The following SPATS2L variants were observed in gnomAD, a reference collection of about 807,000 sequenced individuals.
The protein encoded by SPATS2L is spermatogenesis associated serine rich 2 like, also known as SPATS2-like protein.
SPATS2L carries 30 observed loss-of-function variants against 59.6 expected under a neutral mutation model. The ratio of observed to expected loss-of-function variants is 0.50; its 90% CI spans 0.38 to 0.68. The LOEUF (loss-of-function observed/expected upper bound fraction) is 0.68, where lower values mean the gene tolerates loss of function less well. Ranked by LOEUF, SPATS2L falls within the 30% of genes least tolerant of loss-of-function variation. The pLI is 0.00. For synonymous variants in SPATS2L, 252 were observed against 263.5 expected (o/e 0.96, Z 0.42); for missense variants, 615 against 700.0 (o/e 0.88, Z 1.37).
chr2:200,458,492 C>A (rs992835210), intron 8 of SPATS2L, among the ~76,000 whole-genome samples: 1 of 151,966 alleles, frequency 6.6e-6, no homozygotes, highest in Admixed American at 6.6e-5. Flanking sequence ...ATTTCTACAT[C>A]TAATAACAAA....
Position 200,414,181 on chromosome 2 carries a change from G to A in SPATS2L, c.148+1762G>A, listed in dbSNP as rs1411278897. Among the ~76,000 whole-genome samples, 3 of 152,020 alleles carry A rather than the reference G, an allele frequency of 2.0e-5. No individual in the cohort carries two copies. In the East Asian group the frequency reaches 5.8e-4, roughly 29 times the overall value. ...TTGATCAGATGCACAGTAACTGATG[G>A]ACTGTCATCAAATCTGTTTGTACTT... is the stretch of plus-strand genomic sequence containing the variant. On this transcript the variant is annotated intron_variant, in intron 4 of 12. Transcript: ENST00000409140.
intron 5 of SPATS2L, among the ~76,000 whole-genome samples, chr2:200,419,000 G>GT (rs1029095141): frequency 2.0e-5 from 3 of 151,986 alleles, no homozygotes; most frequent in African/African-American, 7.2e-5. Context: ...ATTCCTTGTT[G>GT]TTTTTTTCTT....
chr2:200,422,554 G>A (rs1207633518), intron 6 of SPATS2L, among the ~76,000 whole-genome samples: 1 of 151,372 alleles, frequency 6.6e-6, no homozygotes, highest in South Asian at 2.1e-4. Flanking sequence ...AAAAAAAAAG[G>A]GGGAGGAAGA....
chr2:200,433,693 A>G (rs2084090285), intron 6 of SPATS2L, among the ~76,000 whole-genome samples: 1 of 152,144 alleles, frequency 6.6e-6, no homozygotes, highest in Non-Finnish European at 1.5e-5. Context: ...TGTTATAAAC[A>G]ACTTTATGCC....
At chr2:200,322,413 T>G (rs2079592973) in intron 1 of SPATS2L, among the ~76,000 whole-genome samples, 3 of 152,204 alleles carry the variant, frequency 2.0e-5, no homozygotes, top group Admixed American at 2.0e-4. Context: ...TACTTGTATA[T>G]CAGGGGTTGA....
rs193205434 is a variant in SPATS2L, at chr2:200,353,021, T to C, written c.-23+23541T>C. Among the ~76,000 whole-genome samples, 14 of 152,330 alleles carry C rather than the reference T, an allele frequency of 9.2e-5. No individual in the cohort carries two copies. In the East Asian group the frequency reaches 2.7e-3, roughly 29 times the overall value. ...CATGTTGTACATGGCATGTACTTTC[T>C]TTAAAAGGTTTGGGAACATTCTTGC... On this transcript the variant is annotated intron_variant, in intron 2 of 12. Transcript: ENST00000409140.
chr2:200,308,622 A>G (rs2079101443), intron 1 of SPATS2L, among the ~76,000 whole-genome samples: 2 of 151,810 alleles, frequency 1.3e-5, no homozygotes, highest in African/African-American at 4.9e-5. Context: ...TGTGGCTTTA[A>G]ATACACACAC....
At chr2:200,362,520 C>T (rs796839327) in intron 2 of SPATS2L, among the ~76,000 whole-genome samples, 4 of 152,328 alleles carry the variant, frequency 2.6e-5, no homozygotes, top group African/African-American at 9.6e-5. Context: ...GGGAAGCACA[C>T]CCTTTCCTTT....
intron 2 of SPATS2L, among the ~76,000 whole-genome samples, chr2:200,349,914 T>G (rs1004133160): frequency 6.6e-6 from 1 of 152,112 alleles, no homozygotes; most frequent in African/African-American, 2.4e-5. Context: ...GGAATGAAAT[T>G]CACATCTCCT....
chr2:200,311,165 A>G (rs933837770), intron 1 of SPATS2L, among the ~76,000 whole-genome samples: 1 of 152,234 alleles, frequency 6.6e-6, no homozygotes, highest in Non-Finnish European at 1.5e-5. Context: ...CTCAGAGCCT[A>G]ACTCATAGCC....
chr2:200,474,595 GCCTGGCCTCTCTGTTCATTATT>G (rs2087359234), intron 12 of SPATS2L, among the ~76,000 whole-genome samples: 1 of 152,140 alleles, frequency 6.6e-6, no homozygotes, highest in African/African-American at 2.4e-5. Context: ...GAGCCACCAT[GCCTGGCCTCTCTGTTCATTATT>G]AAATACCATG....
At position 200,354,596 on chromosome 2, in the gene SPATS2L, A is replaced by C. The variant is rs575515499; in HGVS notation, c.-23+25116A>C. Among the ~76,000 whole-genome samples, 22 of 147,282 alleles carry C rather than the reference A, an allele frequency of 1.5e-4. 1 individual carries two copies. Among genetic ancestry groups the C allele is most frequent in the Middle Eastern group, 3.4e-3 (1 of 292 alleles). ...GCACTTCAGCCTGGGCGACAGAGCA[A>C]GACTCCGTCTCAAAAAAAAAGAGAA... On this transcript the variant is annotated intron_variant, in intron 2 of 12. Coordinates refer to ENST00000409140, the MANE Select transcript of SPATS2L (RefSeq NM_001100423.2).
intron 6 of SPATS2L, among the ~76,000 whole-genome samples, chr2:200,422,985 G>C (rs2083378194): frequency 1.3e-5 from 2 of 152,140 alleles, no homozygotes; most frequent in Admixed American, 1.3e-4. Flanking sequence ...CACTCACTCT[G>C]ATCACCAAGA....
At chr2:200,398,807 C>T (rs561050311) in intron 3 of SPATS2L, among the ~76,000 whole-genome samples, 1 of 152,280 alleles carries the variant, frequency 6.6e-6, no homozygotes, top group South Asian at 2.1e-4. Flanking sequence ...GGGCACCAAC[C>T]TGAGTCCTGA....
intron 3 of SPATS2L, among the ~76,000 whole-genome samples, chr2:200,403,660 C>T (rs904678408): frequency 9.9e-5 from 15 of 152,166 alleles, no homozygotes; most frequent in Admixed American, 5.2e-4. Flanking sequence ...TGTTTCTGAG[C>T]CCTAAAATCT....
chr2:200,474,454 G>A lies in SPATS2L; in HGVS notation c.1281+1402G>A, dbSNP rs907304527. Among the ~76,000 whole-genome samples the A allele has an allele frequency of 2.6e-5, 4 of 151,876 alleles. No homozygotes were observed. The South Asian group carries it at 6.2e-4, about 24-fold the overall frequency. On this transcript the variant is annotated intron_variant, in intron 12 of 12. Transcript: ENST00000409140. ...GCAGGGTAGCTGGGACTACAGGCAC[G>A]TGCCACCACGCCTGACTAAATTTTT...
At chr2:200,330,564 G>A (rs1421049710) in intron 2 of SPATS2L, among the ~76,000 whole-genome samples, 3 of 152,098 alleles carry the variant, frequency 2.0e-5, no homozygotes, top group East Asian at 1.9e-4. Context: ...ATGCACAGGC[G>A]CACACACTGC....
chr2:200,343,085 A>T (rs1966710), intron 2 of SPATS2L, among the ~76,000 whole-genome samples: 115,403 of 152,228 alleles, frequency 0.76, 48,036 homozygotes, highest in South Asian at 0.94. Context: ...ATTTCAGACT[A>T]CAAACTGATC....
chr2:200,362,763 G>T (rs909932945), intron 2 of SPATS2L, among the ~76,000 whole-genome samples: 1 of 142,456 alleles, frequency 7.0e-6, no homozygotes, highest in African/African-American at 2.5e-5. Context: ...TCAGCTAGGG[G>T]ACTAGTAAGC....
Sources: allele counts gnomAD v4.1 joint callset (sites outside exome capture counted in the v4.1 genomes callset), GRCh38; gene constraint gnomAD v4.1.1; transcripts MANE v1.5; gene names NCBI Gene and HGNC (gene_info 2026-07-23, HGNC 2026-07-21).